The following KDM4C variants were observed in gnomAD, a reference collection of about 807,000 sequenced individuals.
The protein encoded by KDM4C is lysine demethylase 4C.
A neutral mutation model predicts 129.3 loss-of-function variants in KDM4C; 81 were observed. That is an observed-to-expected ratio of 0.63 (90% CI 0.52 to 0.75). The LOEUF is 0.75. Ranked by LOEUF, KDM4C falls within the 30% of genes least tolerant of loss-of-function variation. The probability of loss-of-function intolerance (pLI) is 0.00; values close to 1 mark genes in which losing one functional copy is unlikely to be tolerated. For synonymous variants in KDM4C, 573 were observed against 456.1 expected (o/e 1.26, Z -3.26); for missense variants, 1,457 against 1,304.0 (o/e 1.12, Z -1.81).
Position 6,889,211 on chromosome 9 carries a change from T to TTGTGTGTGTGTGTGTGTGTG in KDM4C, c.783+1169_783+1188dup, listed in dbSNP as rs34443147. On this transcript the variant is annotated intron_variant, in intron 7 of 21. Coordinates refer to ENST00000381309, the MANE Select transcript of KDM4C (RefSeq NM_015061.6). ...TTAGGTTCTTACTGTGGCCTTCTTT[T>TTGTGTGTGTGTGTGTGTGTG]TGTGTGTGTGTGTGTGTGTGTGTGT... is the stretch of plus-strand genomic sequence containing the variant. 9.4e-4 allele frequency among the ~76,000 whole-genome samples: 58 copies of TTGTGTGTGTGTGTGTGTGTG among 61,612 alleles called. 2 individuals are homozygous for TTGTGTGTGTGTGTGTGTGTG. The highest frequency in any genetic ancestry group is 4.8e-3 in the Admixed American group (23 of 4,804). The allele number at this position is 61,612 out of a possible 152,430, so 40.4% of individuals were successfully genotyped here.
chr9:6,800,572 C>T (rs775914449), intron 2 of KDM4C, among the ~76,000 whole-genome samples: 1 of 152,062 alleles, frequency 6.6e-6, no homozygotes, highest in Non-Finnish European at 1.5e-5. Flanking sequence ...GGTGTGATTT[C>T]AGTAACATAT....
chr9:7,146,177 T>C (rs1842197041), intron 19 of KDM4C, among the ~76,000 whole-genome samples: 1 of 152,230 alleles, frequency 6.6e-6, no homozygotes, highest in Non-Finnish European at 1.5e-5. Flanking sequence ...ATCCCAATTA[T>C]GTATAAAAAT....
At chr9:7,111,873 A>T (rs1197722468) in intron 18 of KDM4C, among the ~76,000 whole-genome samples, 2 of 152,164 alleles carry the variant, frequency 1.3e-5, no homozygotes, top group Admixed American at 1.3e-4. Flanking sequence ...GTTCTTGGCT[A>T]AACAAGGATC....
intron 1 of KDM4C, among the ~76,000 whole-genome samples, chr9:6,740,006 C>T (rs1279499437): frequency 2.0e-5 from 3 of 152,066 alleles, no homozygotes; most frequent in Admixed American, 1.3e-4. Context: ...TCTCCTGCCT[C>T]AGTCTCCCAA....
chr9:6,798,957 C>T (rs1166163866), intron 2 of KDM4C, among the ~76,000 whole-genome samples: 4 of 150,966 alleles, frequency 2.6e-5, no homozygotes, highest in South Asian at 2.1e-4. Context: ...TCCTCACATC[C>T]CAGACGATGG....
intron 15 of KDM4C, among the ~76,000 whole-genome samples, chr9:7,019,513 A>G (rs1043095412): frequency 2.6e-5 from 4 of 151,718 alleles, no homozygotes; most frequent in Admixed American, 1.3e-4. Context: ...AAATATTCCT[A>G]TAGCATATTC....
chr9:6,848,685 G>T (rs1011245066), intron 4 of KDM4C, among the ~76,000 whole-genome samples: 2 of 151,640 alleles, frequency 1.3e-5, no homozygotes, highest in African/African-American at 2.4e-5. Flanking sequence ...AAAAAAAAAT[G>T]ATTGTTAAGT....
At chr9:6,737,664 C>CAAAAA (rs34608889) in intron 1 of KDM4C, among the ~76,000 whole-genome samples, 11 of 47,428 alleles carry the variant, frequency 2.3e-4, no homozygotes, top group Admixed American at 5.0e-4. Flanking sequence ...GACTTCATCT[C>CAAAAA]AAAAAAAAAA....
chr9:6,748,134 C>G lies in KDM4C; in HGVS notation c.49+27137C>G, dbSNP rs896000629. Among the ~76,000 whole-genome samples the G allele has an allele frequency of 9.9e-5, 15 of 151,412 alleles. No homozygotes were observed. The East Asian group carries it at 2.9e-3, about 29-fold the overall frequency. ...TGAGCAGAGATCGCACCACTGCACTCCAGCCTGAGTAACAGAGCAAGACTT... is the reference window on the plus strand; with the variant it reads ...TGAGCAGAGATCGCACCACTGCACTGCAGCCTGAGTAACAGAGCAAGACTT... On this transcript the variant is annotated intron_variant, in intron 1 of 17. Transcript: ENST00000536108.
chr9:6,732,176 C>T (rs1008040589), intron 1 of KDM4C, among the ~76,000 whole-genome samples: 2 of 151,444 alleles, frequency 1.3e-5, no homozygotes, highest in East Asian at 1.9e-4. Flanking sequence ...ACCATCCTGG[C>T]TAACACAGTG....
At chr9:6,799,516 C>T (rs1405951536) in intron 2 of KDM4C, among the ~76,000 whole-genome samples, 1 of 150,706 alleles carries the variant, frequency 6.6e-6, no homozygotes. Flanking sequence ...ATGGCAGCAG[C>T]ACAGTCCAAC....
chr9:7,169,977 C>A (rs749659616), intron 21 of KDM4C, 87 bp downstream of exon 21: 2 of 1,594,246 alleles, frequency 1.3e-6, no homozygotes, highest in Admixed American at 3.4e-5. Flanking sequence ...AGGAAACATA[C>A]TTGGGCTTTT....
At chr9:6,923,076 A>G (rs930200596) in intron 8 of KDM4C, among the ~76,000 whole-genome samples, 6 of 152,180 alleles carry the variant, frequency 3.9e-5, no homozygotes, top group Admixed American at 3.9e-4. Context: ...AATCTATTTT[A>G]TGGGTATTTA....
At chr9:6,884,823 C>G (rs1006386533) in intron 6 of KDM4C, among the ~76,000 whole-genome samples, 32 of 152,246 alleles carry the variant, frequency 2.1e-4, no homozygotes, top group African/African-American at 7.2e-4. Context: ...GTATTTGAAT[C>G]ATAAAAGATT....
chr9:6,943,974 G>T (rs894986237), intron 8 of KDM4C, among the ~76,000 whole-genome samples: 1 of 152,102 alleles, frequency 6.6e-6, no homozygotes, highest in African/African-American at 2.4e-5. Flanking sequence ...CTTTTACCTG[G>T]ATCCTTGCTA....
At chr9:7,014,042 A>G (rs376017695) in intron 14 of KDM4C, 41 bp downstream of exon 14, 40 of 1,511,136 alleles carry the variant, frequency 2.6e-5, no homozygotes, top group Non-Finnish European at 3.5e-5. Context: ...GCTTTTCAGC[A>G]TTTCACATCA....
At chr9:6,805,110 A>G (rs1829724684) in intron 2 of KDM4C, among the ~76,000 whole-genome samples, 1 of 152,108 alleles carries the variant, frequency 6.6e-6, no homozygotes, top group African/African-American at 2.4e-5. Flanking sequence ...CATGTTATCC[A>G]GGTTGGTGTT....
chr9:6,853,192 A>G (rs1329500839), intron 5 of KDM4C, among the ~76,000 whole-genome samples: 2 of 152,204 alleles, frequency 1.3e-5, no homozygotes, highest in African/African-American at 4.8e-5. Flanking sequence ...TTTAATAAAA[A>G]AGATTCTTTT....
At chr9:7,113,675 C>G (rs1037099663) in intron 18 of KDM4C, among the ~76,000 whole-genome samples, 1 of 152,168 alleles carries the variant, frequency 6.6e-6, no homozygotes, top group African/African-American at 2.4e-5. Context: ...GGAAAGATTA[C>G]TCTAAAAATG....
Sources: gnomAD v4.1 joint callset for allele counts (sites outside exome capture counted in the v4.1 genomes callset) on GRCh38, gnomAD v4.1.1 for gene constraint, MANE v1.5 for transcripts, NCBI Gene and HGNC (gene_info 2026-07-23, HGNC 2026-07-21) for gene names.